KLF12: variants seen among roughly 807,000 people sequenced by gnomAD.
The protein encoded by KLF12 is KLF transcription factor 12, also known as Krueppel-like factor 12.
In KLF12, 9 loss-of-function variants were observed where a neutral mutation model predicts 37.8. The observed-to-expected ratio is 0.24, with a 90% CI of 0.14 to 0.42. KLF12 has a LOEUF of 0.42. Among genes scored for constraint, KLF12 ranks in the 10% least tolerant of loss-of-function variants. The pLI is 1.00. For missense variants in KLF12, 411 were observed against 516.0 expected, an observed-to-expected ratio of 0.80 and a Z score of 1.97; for synonymous variants, 208 against 202.1, an observed-to-expected ratio of 1.03 and a Z score of -0.25.
the KLF12 span, among the ~76,000 whole-genome samples, chr13:74,212,206 T>G: frequency 6.6e-6 from 1 of 152,202 alleles, no homozygotes; most frequent in Non-Finnish European, 1.5e-5. Flanking sequence ...ACGTGCATTT[T>G]CATAGAAACA....
the KLF12 span, among the ~76,000 whole-genome samples, chr13:74,238,171 A>G: frequency 0.026 from 3,289 of 127,090 alleles, 138 homozygotes; most frequent in Middle Eastern, 0.054. Context: ...TTTTGTCAAA[A>G]GCTTTTTCTG....
intron 1 of KLF12, among the ~76,000 whole-genome samples, chr13:74,036,453 ACC>A (rs937998887): frequency 6.6e-6 from 1 of 152,096 alleles, no homozygotes; most frequent in Non-Finnish European, 1.5e-5. Flanking sequence ...CCCCACGCCC[ACC>A]CACAGGCTCC....
chr13:74,187,923 G>A, the KLF12 span, among the ~76,000 whole-genome samples: 10 of 152,122 alleles, frequency 6.6e-5, no homozygotes, highest in Non-Finnish European at 1.2e-4. Flanking sequence ...GAAGAAAATA[G>A]TTATTTAACA....
At chr13:74,250,403 T>C in the KLF12 span, among the ~76,000 whole-genome samples, 1 of 152,206 alleles carries the variant, frequency 6.6e-6, no homozygotes, top group African/African-American at 2.4e-5. Flanking sequence ...AGGACAAGAA[T>C]TAACACCAGG....
chr13:74,009,885 T>A (rs1237388834), intron 1 of KLF12, among the ~76,000 whole-genome samples: 1 of 152,236 alleles, frequency 6.6e-6, no homozygotes, highest in Non-Finnish European at 1.5e-5. Context: ...AGTCTGTGAC[T>A]GAAGGAGTTT....
the KLF12 span, among the ~76,000 whole-genome samples, chr13:74,159,204 T>C: frequency 2.0e-4 from 30 of 152,288 alleles, no homozygotes; most frequent in African/African-American, 7.2e-4. Flanking sequence ...CATGTGCCCA[T>C]ATAACCCTGT....
At chr13:73,974,663 G>A (rs1224817223) in intron 2 of KLF12, among the ~76,000 whole-genome samples, 3 of 152,114 alleles carry the variant, frequency 2.0e-5, no homozygotes, top group Non-Finnish European at 2.9e-5. Context: ...AGTGTGATCC[G>A]ATTACTTTAT....
intron 6 of KLF12, among the ~76,000 whole-genome samples, chr13:73,715,846 A>C (rs1875762495): frequency 6.6e-6 from 1 of 152,244 alleles, no homozygotes; most frequent in Non-Finnish European, 1.5e-5. Context: ...GGGGTAAATT[A>C]CCATCTCACA....
chr13:73,862,393 C>T (rs1885974464), intron 3 of KLF12, among the ~76,000 whole-genome samples: 1 of 152,036 alleles, frequency 6.6e-6, no homozygotes, highest in Non-Finnish European at 1.5e-5. Flanking sequence ...AGAAATGTGC[C>T]AGTGGTTCTA....
upstream of KLF12, among the ~76,000 whole-genome samples, chr13:74,136,075 C>G (rs542111868): frequency 2.6e-5 from 4 of 152,278 alleles, no homozygotes; most frequent in South Asian, 8.3e-4. Context: ...AGGAAGGCAG[C>G]AGGATTCAGA....
chr13:73,711,365 A>G (rs78957967), intron 7 of KLF12, among the ~76,000 whole-genome samples: 5,893 of 152,334 alleles, frequency 0.039, 163 homozygotes, highest in Non-Finnish European at 0.06. Context: ...TTTCTGAGCT[A>G]GAGAGGAGAA....
chr13:73,744,705 C>G (rs542919433), intron 6 of KLF12, among the ~76,000 whole-genome samples: 1 of 152,280 alleles, frequency 6.6e-6, no homozygotes, highest in African/African-American at 2.4e-5. Flanking sequence ...GGAAAGCCTG[C>G]TGCCTAGGAT....
chr13:73,946,598 C>G (rs964232227), intron 2 of KLF12, among the ~76,000 whole-genome samples: 2 of 152,008 alleles, frequency 1.3e-5, no homozygotes, highest in Non-Finnish European at 2.9e-5. Flanking sequence ...AAAAATAAAA[C>G]ATTCTCGATT....
chr13:74,132,793 A>G lies in KLF12; in HGVS notation c.-32+946T>C, dbSNP rs1878333221. 3.9e-5 allele frequency among the ~76,000 whole-genome samples: 6 copies of G among 152,186 alleles called. No individual in the cohort carries two copies. The South Asian group carries it at 1.2e-3, about 32-fold the overall frequency. On this transcript the variant is annotated intron_variant, in intron 1 of 7. Transcript: ENST00000377669. ...TTTGCCTCAAATGCACTGCGAAACA[A>G]AACTGTTGAGTGCACCCCACCCTTT...
intron 3 of KLF12, among the ~76,000 whole-genome samples, chr13:73,885,367 T>C (rs1024900126): frequency 6.6e-6 from 1 of 152,216 alleles, no homozygotes; most frequent in African/African-American, 2.4e-5. Context: ...GAACTTTTAA[T>C]TAAACTTCCA....
At chr13:74,189,048 C>T in the KLF12 span, among the ~76,000 whole-genome samples, 2 of 152,068 alleles carry the variant, frequency 1.3e-5, no homozygotes, top group Admixed American at 6.6e-5. Flanking sequence ...GATTTTCCTG[C>T]TTAAATAAGT....
intron 3 of KLF12, 108 bp downstream of exon 3, chr13:73,943,873 G>T (rs896444384): frequency 3.5e-5 from 25 of 704,964 alleles, no homozygotes; most frequent in Non-Finnish European, 6.1e-5. Flanking sequence ...AGAGAGAAAA[G>T]CTTAAGCAAG....
intron 3 of KLF12, among the ~76,000 whole-genome samples, chr13:73,903,238 T>C (rs7981267): frequency 0.044 from 6,660 of 152,204 alleles, 312 homozygotes; most frequent in African/African-American, 0.12. Flanking sequence ...GTGGCATCTG[T>C]GTGTGCCAGA....
intron 5 of KLF12, among the ~76,000 whole-genome samples, chr13:73,776,744 C>A (rs1334513383): frequency 6.6e-6 from 1 of 152,070 alleles, no homozygotes; most frequent in Non-Finnish European, 1.5e-5. Context: ...AACAAAATAG[C>A]CAAATTAAAG....
Sources: gnomAD v4.1 joint callset for allele counts (sites outside exome capture counted in the v4.1 genomes callset) on GRCh38, gnomAD v4.1.1 for gene constraint, MANE v1.5 for transcripts, NCBI Gene and HGNC (gene_info 2026-07-23, HGNC 2026-07-21) for gene names.